Variants in SNX24 observed in about 807,000 individuals in gnomAD.
SNX24 encodes the protein sorting nexin 24.
SNX24 carries 22 observed loss-of-function variants against 28.7 expected under a neutral mutation model. The observed-to-expected ratio is 0.77, with a 90% CI of 0.55 to 1.10. The LOEUF (loss-of-function observed/expected upper bound fraction) is 1.10, where lower values mean the gene tolerates loss of function less well. Ranked by LOEUF, SNX24 falls within the 50% of genes least tolerant of loss-of-function variation. The pLI, the probability that SNX24 is intolerant of heterozygous loss-of-function variation, is 0.00. For missense variants in SNX24, 221 were observed against 201.1 expected (o/e 1.10, Z -0.60); for synonymous variants, 69 against 71.5 (o/e 0.96, Z 0.18).
intron 3 of SNX24, among the ~76,000 whole-genome samples, chr5:122,980,547 G>T (rs1761347864): frequency 6.6e-6 from 1 of 151,724 alleles, no homozygotes. Flanking sequence ...TCATATTTTT[G>T]ACCTTCTCTT....
chr5:122,914,853 A>C (rs1203449711), intron 1 of SNX24, among the ~76,000 whole-genome samples: 2 of 152,136 alleles, frequency 1.3e-5, no homozygotes, highest in African/African-American at 4.8e-5. Flanking sequence ...AAACCAGCTA[A>C]GACAGGCTTT....
At chr5:122,905,368 G>A (rs1476535383) in intron 1 of SNX24, among the ~76,000 whole-genome samples, 2 of 152,200 alleles carry the variant, frequency 1.3e-5, no homozygotes, top group African/African-American at 4.8e-5. Context: ...GTGATTTTGG[G>A]TCTTCACTGT....
chr5:122,990,286 G>A (rs115607937), intron 3 of SNX24, among the ~76,000 whole-genome samples: 4,282 of 152,212 alleles, frequency 0.028, 77 homozygotes, highest in Middle Eastern at 0.054. Context: ...CATTACTGTA[G>A]CATTTAAACA....
intron 3 of SNX24, chr5:122,948,508 T>C (rs765925386): frequency 1.3e-5 from 2 of 152,218 alleles, no homozygotes; most frequent in Non-Finnish European, 2.9e-5. Context: ...CATTACATAG[T>C]CCGGTCCTTC....
At position 122,888,912 on chromosome 5, in the gene SNX24, C is replaced by T. The variant is rs907644766; in HGVS notation, c.60+43219C>T. On this transcript the variant is annotated intron_variant, in intron 1 of 6. Coordinates refer to ENST00000261369, the MANE Select transcript of SNX24 (RefSeq NM_014035.4). ...TGTCGCCAAGAATGGAGTGCAGTGG[C>T]GTGATCTCAGCTCACTGCAGCCTCT... 3.3e-5 allele frequency among the ~76,000 whole-genome samples: 5 copies of T among 152,124 alleles called. No homozygotes were observed. In the East Asian group the frequency reaches 5.8e-4, roughly 18 times the overall value.
chr5:122,952,820 A>G (rs1186546070), intron 3 of SNX24, among the ~76,000 whole-genome samples: 2 of 152,228 alleles, frequency 1.3e-5, no homozygotes, highest in Non-Finnish European at 2.9e-5. Flanking sequence ...TAAGTGTGTT[A>G]TCCAACTGAA....
At chr5:122,958,999 C>G (rs901747994) in intron 3 of SNX24, among the ~76,000 whole-genome samples, 29 of 152,248 alleles carry the variant, frequency 1.9e-4, no homozygotes, top group Admixed American at 1.7e-3. Flanking sequence ...CAGGGTAATG[C>G]TGGCTACCTA....
In SNX24 at chr5:123,020,704, G is replaced by A. The variant is rs141867975; in HGVS notation, n.384-8534G>A. Among the ~76,000 whole-genome samples the A allele has an allele frequency of 2.2e-3, 329 of 152,294 alleles. 2 individuals are homozygous for A. The highest frequency in any genetic ancestry group is 7.3e-3 in the African/African-American group (303 of 41,566). ...GAAAAAAGAAAATGTATTAGTTTAC[G>A]CAGCGAAAAGCTAAGTGTGGATTAG... On this transcript the variant is annotated intron_variant and non_coding_transcript_variant, in intron 5 of 5. Coordinates refer to the SNX24 transcript ENST00000502387.
chr5:122,848,553 A>AC (rs1166532109), intron 1 of SNX24, among the ~76,000 whole-genome samples: 2 of 150,974 alleles, frequency 1.3e-5, no homozygotes, highest in African/African-American at 4.9e-5. Context: ...AAAAAAAAAA[A>AC]AAAAAATTAG....
At chr5:123,024,983 T>A (rs527994486) in intron 5 of SNX24, among the ~76,000 whole-genome samples, 58 of 152,300 alleles carry the variant, frequency 3.8e-4, no homozygotes, top group African/African-American at 1.3e-3. Context: ...GGGTTGTGAA[T>A]TGGACTGCTT....
intron 1 of SNX24, among the ~76,000 whole-genome samples, chr5:122,914,441 C>T (rs1443212982): frequency 6.6e-6 from 1 of 151,698 alleles, no homozygotes; most frequent in Non-Finnish European, 1.5e-5. Context: ...CCCTCTTTTT[C>T]TATTGATTGG....
chr5:122,972,987 C>A (rs1198993262), intron 3 of SNX24, among the ~76,000 whole-genome samples: 1 of 152,190 alleles, frequency 6.6e-6, no homozygotes, highest in African/African-American at 2.4e-5. Context: ...CCACTTTGTT[C>A]ATGGGCCCAT....
intron 1 of SNX24, among the ~76,000 whole-genome samples, chr5:122,862,028 C>T (rs1388758697): frequency 2.0e-5 from 3 of 152,134 alleles, no homozygotes; most frequent in Non-Finnish European, 4.4e-5. Context: ...GGGGCAGGGG[C>T]CGCTGACATG....
At chr5:123,003,608 T>G (rs1376460139) in intron 6 of SNX24, among the ~76,000 whole-genome samples, 1 of 152,200 alleles carries the variant, frequency 6.6e-6, no homozygotes, top group Non-Finnish European at 1.5e-5. Flanking sequence ...ATAGCCAAGA[T>G]ACTTGATAGA....
chr5:122,956,578 A>G (rs1280702354), intron 3 of SNX24, among the ~76,000 whole-genome samples: 1 of 152,058 alleles, frequency 6.6e-6, no homozygotes, highest in African/African-American at 2.4e-5. Context: ...TTGATCATGT[A>G]ATTCCATTCT....
rs769636415 is a variant in SNX24, at chr5:122,845,652, T to G, written c.19T>G (p.Ser7Ala). The G allele has an allele frequency of 1.1e-5, 16 of 1,432,542 alleles. No individual in the cohort carries two copies. Among genetic ancestry groups the G allele is most frequent in the Non-Finnish European group, 1.4e-5 (15 of 1,083,802 alleles). The allele number at this position is 1,432,542 out of a possible 1,614,324, so 88.7% of individuals were successfully genotyped here. The stretch of plus-strand genomic sequence containing the variant: ...CGCGGCCATGGAGGTCTACATCCCG[T>G]CCTTTCGCTATGAAGAGAGCGACCT... MEVYIPSFRYEESDLER... is the reference protein window; with the variant it reads MEVYIPAFRYEESDLER... The change falls in exon 1 of 7, where the codon TCC becomes GCC. Residue 7 changes from serine to alanine, a missense_variant. Ser to Ala is a moderately conservative substitution (Grantham distance 99). Transcript: ENST00000261369.
intron 3 of SNX24, among the ~76,000 whole-genome samples, chr5:122,964,128 A>T (rs946175054): frequency 1.3e-5 from 2 of 151,486 alleles, no homozygotes; most frequent in Non-Finnish European, 2.9e-5. Context: ...CTGTAATCCC[A>T]GCTACTTGGG....
downstream of SNX24, among the ~76,000 whole-genome samples, chr5:123,012,512 G>A (rs1048983774): frequency 2.6e-5 from 4 of 152,208 alleles, no homozygotes; most frequent in Non-Finnish European, 4.4e-5. Flanking sequence ...GGGAAAAGAG[G>A]AAATGGAGAA....
At chr5:122,901,992 G>C in intron 1 of SNX24, among the ~76,000 whole-genome samples, 1 of 152,294 alleles carries the variant, frequency 6.6e-6, no homozygotes, top group South Asian at 2.1e-4. Context: ...TTGAGTCTAA[G>C]ACTGAGCTTC....
Sources: allele counts gnomAD v4.1 joint callset (sites outside exome capture counted in the v4.1 genomes callset), GRCh38; gene constraint gnomAD v4.1.1; transcripts MANE v1.5; gene names NCBI Gene and HGNC (gene_info 2026-07-23, HGNC 2026-07-21).